Variants in VAT1L observed in about 807,000 individuals in gnomAD.
VAT1L encodes the protein vesicle amine transport 1 like.
In VAT1L, 34 loss-of-function variants were observed where a neutral mutation model predicts 44.1. The observed-to-expected ratio is 0.77, with a 90% CI of 0.59 to 1.03. The LOEUF (loss-of-function observed/expected upper bound fraction) is 1.03, where lower values mean the gene tolerates loss of function less well. Among genes scored for constraint, VAT1L ranks in the 50% least tolerant of loss-of-function variants. VAT1L has a pLI of 0.00. For synonymous variants in VAT1L, 253 were observed against 202.2 expected (o/e 1.25, Z -2.13); for missense variants, 615 against 538.8 (o/e 1.14, Z -1.40).
chr16:77,818,429 G>A (rs1214867942), intron 2 of VAT1L, among the ~76,000 whole-genome samples: 1 of 151,860 alleles, frequency 6.6e-6, no homozygotes, highest in African/African-American at 2.4e-5. Flanking sequence ...ACATTTTTTT[G>A]TCCCCAGGTA....
intron 7 of VAT1L, among the ~76,000 whole-genome samples, chr16:77,916,255 G>A (rs1276964619): frequency 6.6e-6 from 1 of 152,132 alleles, no homozygotes; most frequent in Non-Finnish European, 1.5e-5. Context: ...GTGTTCTTGA[G>A]CAAAGAAGTG....
At chr16:77,929,198 C>A (rs1051753087) in intron 7 of VAT1L, among the ~76,000 whole-genome samples, 1 of 152,090 alleles carries the variant, frequency 6.6e-6, no homozygotes, top group East Asian at 1.9e-4. Flanking sequence ...TGATGGAACG[C>A]GACATTTTTC....
At chr16:77,808,876 C>T (rs1393432765) in intron 1 of VAT1L, among the ~76,000 whole-genome samples, 1 of 152,158 alleles carries the variant, frequency 6.6e-6, no homozygotes. Flanking sequence ...CGATTATAGG[C>T]GTGAGCCACC....
At chr16:77,828,486 A>G (rs1248618810) in intron 3 of VAT1L, among the ~76,000 whole-genome samples, 1 of 152,098 alleles carries the variant, frequency 6.6e-6, no homozygotes, top group Non-Finnish European at 1.5e-5. Flanking sequence ...CAACGTGGAG[A>G]AACCCCCATC....
chr16:77,876,537 A>G (rs1280901608), intron 5 of VAT1L, 64 bp downstream of exon 5: 11 of 1,456,802 alleles, frequency 7.6e-6, no homozygotes, highest in Non-Finnish European at 1.1e-5. Flanking sequence ...GTGCCTGCAA[A>G]GGCTCTGAAA....
chr16:77,890,307 T>C (rs2017251036), intron 7 of VAT1L, among the ~76,000 whole-genome samples: 2 of 152,096 alleles, frequency 1.3e-5, no homozygotes, highest in African/African-American at 4.8e-5. Flanking sequence ...AAAGCAGAAG[T>C]TGCTGGCTGT....
At chr16:77,859,921 C>G (rs1023275629) in intron 3 of VAT1L, among the ~76,000 whole-genome samples, 2 of 152,076 alleles carry the variant, frequency 1.3e-5, no homozygotes, top group Non-Finnish European at 2.9e-5. Context: ...TACCTCACAA[C>G]GTCACTTTAT....
intron 7 of VAT1L, among the ~76,000 whole-genome samples, chr16:77,945,036 C>A (rs1010710475): frequency 6.6e-6 from 1 of 152,166 alleles, no homozygotes; most frequent in Admixed American, 6.5e-5. Context: ...TATAGACTCA[C>A]CATGGTACAA....
At chr16:77,849,862 AG>A (rs1335196307) in intron 3 of VAT1L, among the ~76,000 whole-genome samples, 5 of 152,240 alleles carry the variant, frequency 3.3e-5, no homozygotes, top group Admixed American at 3.3e-4. Context: ...CTGAAGTCAC[AG>A]AAAGAGTCCC....
At chr16:77,805,289 T>C (rs1049933336) in intron 1 of VAT1L, among the ~76,000 whole-genome samples, 3 of 152,308 alleles carry the variant, frequency 2.0e-5, no homozygotes, top group African/African-American at 2.4e-5. Context: ...TCCCACAGTC[T>C]TGAGATAACA....
chr16:77,975,159 G>A (rs542216880), intron 8 of VAT1L, among the ~76,000 whole-genome samples: 5 of 146,832 alleles, frequency 3.4e-5, no homozygotes, highest in Non-Finnish European at 6.0e-5. Context: ...GGACAGAGGC[G>A]CCTGCAGAGG....
At chr16:77,828,598 G>T (rs1403268086) in intron 3 of VAT1L, among the ~76,000 whole-genome samples, 1 of 152,126 alleles carries the variant, frequency 6.6e-6, no homozygotes, top group Non-Finnish European at 1.5e-5. Context: ...GGGAGGCAGA[G>T]GTTGCAGTGA....
At chr16:77,803,387 C>A (rs993753285) in intron 1 of VAT1L, among the ~76,000 whole-genome samples, 2 of 150,624 alleles carry the variant, frequency 1.3e-5, no homozygotes, top group African/African-American at 4.9e-5. Context: ...CTTTTTTGTT[C>A]CTATTGAAAC....
chr16:77,826,831 A>G (rs552375305), intron 3 of VAT1L, among the ~76,000 whole-genome samples: 1 of 152,202 alleles, frequency 6.6e-6, no homozygotes, highest in Non-Finnish European at 1.5e-5. Flanking sequence ...AGGTTTTGAG[A>G]GGTTCTCAGA....
chr16:77,887,672 G>C (rs2017223300), intron 7 of VAT1L, among the ~76,000 whole-genome samples: 1 of 152,186 alleles, frequency 6.6e-6, no homozygotes, highest in Admixed American at 6.5e-5. Context: ...CTCAGGACCA[G>C]CACTAATGAG....
At chr16:77,828,141 CG>C (rs1182106684) in intron 3 of VAT1L, among the ~76,000 whole-genome samples, 3 of 152,120 alleles carry the variant, frequency 2.0e-5, no homozygotes, top group Admixed American at 2.0e-4. Context: ...GTGAACACTC[CG>C]CTGAGCCGGG....
At chr16:77,888,733 G>C (rs2017233803) in intron 7 of VAT1L, among the ~76,000 whole-genome samples, 1 of 152,196 alleles carries the variant, frequency 6.6e-6, no homozygotes, top group South Asian at 2.1e-4. Context: ...CCCAGACATT[G>C]TCAAATGTCT....
At chr16:77,941,852 G>C (rs908578208) in intron 7 of VAT1L, among the ~76,000 whole-genome samples, 1 of 152,114 alleles carries the variant, frequency 6.6e-6, no homozygotes, top group Non-Finnish European at 1.5e-5. Context: ...GCCTCCCAGA[G>C]TGCCCAGATT....
intron 1 of VAT1L, among the ~76,000 whole-genome samples, chr16:77,802,399 A>G (rs78836885): frequency 0.24 from 36,386 of 152,006 alleles, 4,824 homozygotes; most frequent in East Asian, 0.34. Context: ...GGTGGAGCAC[A>G]AGGTCAGGAG....
Sources: gnomAD v4.1 joint callset for allele counts (sites outside exome capture counted in the v4.1 genomes callset) on GRCh38, gnomAD v4.1.1 for gene constraint, MANE v1.5 for transcripts, NCBI Gene and HGNC (gene_info 2026-07-23, HGNC 2026-07-21) for gene names.